WNT7B: variants seen among roughly 807,000 people sequenced by gnomAD.
The protein encoded by WNT7B is protein Wnt-7b.
A neutral mutation model predicts 38.2 loss-of-function variants in WNT7B; 19 were observed. The observed-to-expected ratio is 0.50, with a 90% CI of 0.35 to 0.73. WNT7B has a LOEUF of 0.73. WNT7B is among the 30% of genes least tolerant of loss of function. WNT7B has a pLI of 0.01. For synonymous variants in WNT7B, 243 were observed against 209.3 expected, an observed-to-expected ratio of 1.16 and a Z score of -1.39; for missense variants, 423 against 507.9, an observed-to-expected ratio of 0.83 and a Z score of 1.61.
At chr22:45,929,874 AAC>A (rs1434828297) in intron 3 of WNT7B, among the ~76,000 whole-genome samples, 42 of 149,904 alleles carry the variant, frequency 2.8e-4, no homozygotes, top group African/African-American at 1.0e-3. Flanking sequence ...CCATCCATCC[AAC>A]CATCTACCCA....
At position 45,922,860 on chromosome 22, in the gene WNT7B, T is replaced by G. The variant is rs1930967209; in HGVS notation, c.1046A>C (p.Lys349Thr). ...CGGCCGCCTCCGGGCCTGGCCTCAC[T>G]TGCAGGTGAAGACCTCGGTGCGCTC... The part of the protein sequence containing the change: ...CSERTEVFTC[K>T] Residue 349 changes from lysine (K) to threonine (T), a missense_variant, in exon 4 of 4, where the codon AAG becomes ACG. Around this residue, in one of 3 missense-constraint regions of WNT7B, gnomAD observed 158 missense variants for 214.7 expected, o/e 0.74. Coordinates refer to ENST00000339464, the MANE Select transcript of WNT7B (RefSeq NM_058238.3). The G allele has an allele frequency of 6.3e-7, 1 of 1,593,788 alleles. No homozygotes were observed. The highest frequency in any genetic ancestry group is 1.1e-5 in the South Asian group (1 of 90,256).
At chr22:45,942,630 G>A (rs867317870) in intron 2 of WNT7B, among the ~76,000 whole-genome samples, 12 of 152,006 alleles carry the variant, frequency 7.9e-5, no homozygotes, top group Middle Eastern at 3.4e-3. Flanking sequence ...GGCTGGACAG[G>A]CTGCCTCACA....
intron 1 of WNT7B, among the ~76,000 whole-genome samples, chr22:45,957,701 A>C (rs1257305311): frequency 2.7e-5 from 4 of 149,770 alleles, no homozygotes; most frequent in African/African-American, 2.4e-5. Context: ...AAAAAAAAAA[A>C]AAAAAAAAAA....
chr22:45,952,819 G>C (rs1931965607), intron 1 of WNT7B, among the ~76,000 whole-genome samples: 1 of 152,214 alleles, frequency 6.6e-6, no homozygotes, highest in Admixed American at 6.5e-5. Context: ...ATCTGACCAA[G>C]TCCGTCTGCT....
At chr22:45,930,586 G>A (rs115160302) in intron 3 of WNT7B, among the ~76,000 whole-genome samples, 10,181 of 152,184 alleles carry the variant, frequency 0.067, 555 homozygotes, top group Admixed American at 0.15. Context: ...ACTCCGTCCC[G>A]CCCCATGCAG....
chr22:45,946,218 A>AAG (rs1931791942), intron 2 of WNT7B, among the ~76,000 whole-genome samples: 1 of 152,132 alleles, frequency 6.6e-6, no homozygotes, highest in Non-Finnish European at 1.5e-5. Flanking sequence ...TTAGCCCTGG[A>AAG]AGCTCCTGTC....
chr22:45,931,138 C>T lies in WNT7B; in HGVS notation c.530G>A (p.Arg177Gln), dbSNP rs757205124. 8.2e-6 allele frequency: 13 copies of T among 1,593,962 alleles called. No individual in the cohort carries two copies. The highest frequency in any genetic ancestry group is 4.4e-5 in the South Asian group (4 of 90,814). The stretch of plus-strand genomic sequence containing the variant: ...ATTGTTATGCAGGTTCATGAGGCGC[C>T]GCGCGTTCTTCTTGATCTCCCGAGC... ...VDAREIKKNA[R>Q]RLMNLHNNEA... Residue 177 changes from arginine (R) to glutamine (Q), a missense_variant, in exon 3 of 4, where the codon CGG (arginine) becomes CAG (glutamine). Arg to Gln is a conservative substitution (Grantham distance 43). This residue lies in a region of WNT7B where 132 missense variants were observed against 113.4 expected (regional missense o/e 1.16). Coordinates refer to ENST00000339464, the MANE Select transcript of WNT7B (RefSeq NM_058238.3).
Position 45,955,579 on chromosome 22 carries a change from G to A in WNT7B, c.72-5433C>T, listed in dbSNP as rs1195818015. On this transcript the variant is annotated intron_variant, in intron 1 of 3. Coordinates refer to ENST00000339464, the MANE Select transcript of WNT7B (RefSeq NM_058238.3). ...GGCCAGGAAGGCTCTGAGTGGCTGT[G>A]AGTGCAGAGATGCTGGGAGCGGGGG... Among the ~76,000 whole-genome samples, 3 of 152,344 alleles carry A rather than the reference G, an allele frequency of 2.0e-5. No individual in the cohort carries two copies. In the East Asian group the frequency reaches 5.8e-4, roughly 29 times the overall value.
At position 45,927,350 on chromosome 22, in the gene WNT7B, AGTG is replaced by A. The variant is rs2083491221; in HGVS notation, c.570+3745_570+3747del. On this transcript the variant is annotated intron_variant, in intron 3 of 3. Transcript: ENST00000339464. ...GCAGCCAGGGCCTTGGTCTGGTAGA[AGTG>A]GGGGCAGGGCGGGGGCGGGCCTCCA... 1.8e-5 allele frequency: 26 copies of A among 1,472,732 alleles called. No individual in the cohort carries two copies. In the South Asian group the frequency reaches 3.1e-4, roughly 18 times the overall value. The allele number at this position is 1,472,732 out of a possible 1,614,324, so 91.2% of individuals were successfully genotyped here. A position where few individuals can be genotyped will look rare whatever the true frequency, so the allele number is the denominator to read the frequency against.
In WNT7B at chr22:45,931,141, G is replaced by A. The variant is rs745361073; in HGVS notation, c.527C>T (p.Ala176Val). ...GTTATGCAGGTTCATGAGGCGCCGCGCGTTCTTCTTGATCTCCCGAGCGTC... is the reference window on the plus strand; with the variant it reads ...GTTATGCAGGTTCATGAGGCGCCGCACGTTCTTCTTGATCTCCCGAGCGTC... ...FVDAREIKKN[A>V]RRLMNLHNNE... Residue 176 changes from alanine (A) to valine (V), a missense_variant, in exon 3 of 4, where the codon GCG becomes GTG. Coordinates refer to ENST00000339464, the MANE Select transcript of WNT7B (RefSeq NM_058238.3). 2 of 1,594,164 alleles carry A rather than the reference G, an allele frequency of 1.3e-6. No individual in the cohort carries two copies. Among genetic ancestry groups the A allele is most frequent in the South Asian group, 2.2e-5 (2 of 90,866 alleles).
intron 2 of WNT7B, among the ~76,000 whole-genome samples, chr22:45,932,833 C>T (rs1931408622): frequency 6.6e-6 from 1 of 152,222 alleles, no homozygotes; most frequent in Non-Finnish European, 1.5e-5. Flanking sequence ...TGGAGACTCA[C>T]ACTGCTGGCA....
At chr22:45,924,459 C>T (rs544671814) in intron 3 of WNT7B, among the ~76,000 whole-genome samples, 1 of 152,230 alleles carries the variant, frequency 6.6e-6, no homozygotes, top group African/African-American at 2.4e-5. Context: ...TGCGGGAACC[C>T]AGGAGAGCCT....
chr22:45,948,724 G>C (rs1312135684), intron 2 of WNT7B, among the ~76,000 whole-genome samples: 1 of 152,058 alleles, frequency 6.6e-6, no homozygotes, highest in Admixed American at 6.5e-5. Context: ...TACTGGCTCG[G>C]AGCTCACATC....
rs540552188 is a variant in WNT7B at position 45,931,499 on chromosome 22, C to T, written c.299-130G>A. 16 of 1,111,572 alleles carry T rather than the reference C, an allele frequency of 1.4e-5. No individual in the cohort carries two copies. In the African/African-American group the frequency reaches 1.7e-4, roughly 12 times the overall value. 68.9% of individuals were successfully genotyped at this position (1,111,572 alleles called of 1,614,324 possible). A position where few individuals can be genotyped will look rare whatever the true frequency, so the allele number is the denominator to read the frequency against. On this transcript the variant is annotated intron_variant, in intron 2 of 3. Coordinates refer to ENST00000339464, the MANE Select transcript of WNT7B (RefSeq NM_058238.3). ...GTGACCCTGGGCTCATCGCTCGCCC[C>T]CTCTGTGCCTCTGACTCACCAAAGC...
intron 1 of WNT7B, among the ~76,000 whole-genome samples, chr22:45,955,350 T>C (rs544493956): frequency 6.6e-6 from 1 of 152,286 alleles, no homozygotes; most frequent in South Asian, 2.1e-4. Flanking sequence ...GGGAAAAATA[T>C]CTACCAACTA....
chr22:45,933,231 G>A lies in WNT7B; in HGVS notation c.299-1862C>T, dbSNP rs376455924. Among the ~76,000 whole-genome samples the A allele has an allele frequency of 9.2e-5, 14 of 152,274 alleles. No homozygotes were observed. The East Asian group carries it at 2.3e-3, about 25-fold the overall frequency. On this transcript the variant is annotated intron_variant, in intron 2 of 3. Coordinates refer to ENST00000339464, the MANE Select transcript of WNT7B (RefSeq NM_058238.3). ...TCCTGAGAAGAACTAAGGGGAGGATGGTGTCCAGCATCCCTCCCTCCCCAG... is the reference window on the plus strand; with the variant it reads ...TCCTGAGAAGAACTAAGGGGAGGATAGTGTCCAGCATCCCTCCCTCCCCAG...
intron 2 of WNT7B, among the ~76,000 whole-genome samples, chr22:45,939,315 C>T (rs754493828): frequency 3.3e-5 from 5 of 152,172 alleles, no homozygotes; most frequent in East Asian, 1.9e-4. Flanking sequence ...ATGAAACAGG[C>T]GCCCACTTAT....
At chr22:45,952,210 G>T (rs1297082228) in intron 1 of WNT7B, among the ~76,000 whole-genome samples, 2 of 152,314 alleles carry the variant, frequency 1.3e-5, no homozygotes, top group African/African-American at 4.8e-5. Context: ...TCTACCTACT[G>T]CCCGCCCGCC....
At chr22:45,937,457 C>G (rs930159308) in intron 2 of WNT7B, among the ~76,000 whole-genome samples, 6 of 152,386 alleles carry the variant, frequency 3.9e-5, no homozygotes, top group Admixed American at 2.6e-4. Flanking sequence ...AGGGCACACA[C>G]AGTCCTGGGG....
Sources: allele counts gnomAD v4.1 joint callset (sites outside exome capture counted in the v4.1 genomes callset), GRCh38; gene constraint gnomAD v4.1.1; regional missense constraint gnomAD v4.1.1; transcripts MANE v1.5; gene names NCBI Gene and HGNC (gene_info 2026-07-23, HGNC 2026-07-21).